VPS13C: variants seen among roughly 807,000 people sequenced by gnomAD.
The protein encoded by VPS13C is intermembrane lipid transfer protein VPS13C.
A neutral mutation model predicts 456.8 loss-of-function variants in VPS13C; 358 were observed. The ratio of observed to expected loss-of-function variants is 0.78; its 90% CI spans 0.72 to 0.86. The LOEUF is 0.86. VPS13C is among the 40% of genes least tolerant of loss of function. The probability of loss-of-function intolerance (pLI) is 0.00; values close to 1 mark genes in which losing one functional copy is unlikely to be tolerated. For missense variants in VPS13C, 4,818 were observed against 4,385.4 expected (o/e 1.10, Z -2.79); for synonymous variants, 1,578 against 1,486.7 (o/e 1.06, Z -1.41).
chr15:62,035,247 C>T (rs1039666018), intron 3 of VPS13C, among the ~76,000 whole-genome samples, 195 bp from the exon 4 acceptor site: 1 of 151,862 alleles, frequency 6.6e-6, no homozygotes, highest in South Asian at 2.1e-4. Flanking sequence ...TGAATAGTCA[C>T]ATTGTAATTT....
chr15:61,977,192 G>A lies in VPS13C; in HGVS notation c.2298C>T (p.Thr766=). 6.5e-7 allele frequency: 1 copy of A among 1,536,462 alleles called. No homozygotes were observed. Among genetic ancestry groups the A allele is most frequent in the Non-Finnish European group, 8.7e-7 (1 of 1,146,428 alleles). ...GATGCTGAAATCGACACTTTTTCCAGGTTTCCTCTTTAAAAAATAATTTAA... is the reference window on the plus strand; with the variant it reads ...GATGCTGAAATCGACACTTTTTCCAAGTTTCCTCTTTAAAAAATAATTTAA... ...VQLLFARAEE[T]WKKCRFQHPS... is the part of the protein sequence containing the mutation. Residue 766 remains threonine (T), a synonymous_variant, in exon 24 of 85, where the codon ACC becomes ACT. Coordinates refer to ENST00000644861, the MANE Select transcript of VPS13C (RefSeq NM_020821.3).
At position 61,867,854 on chromosome 15, in the gene VPS13C, A is replaced by G; in HGVS notation, c.10863+805T>C. The G allele has an allele frequency of 6.3e-7, 1 of 1,575,242 alleles. No individual in the cohort carries two copies. Among genetic ancestry groups the G allele is most frequent in the South Asian group, 1.2e-5 (1 of 84,202 alleles). ...CATTAAAATTGACAATGGAATTCAC[A>G]CACAGTCAATTAACACCACAGTTTG... is the stretch of plus-strand genomic sequence containing the variant. On this transcript the variant is annotated intron_variant, in intron 81 of 84. Transcript: ENST00000644861. This position sits in a 1 kb window ranked among gnomAD's most constrained non-coding sequence, Gnocchi z 5.0.
rs1476921832 is a variant in VPS13C, at chr15:61,910,170, A to G, written c.8844+7T>C. 7.5e-7 allele frequency: 1 copy of G among 1,325,056 alleles called. No individual in the cohort carries two copies. Among genetic ancestry groups the G allele is most frequent in the South Asian group, 2.6e-5 (1 of 38,638 alleles). The allele number at this position is 1,325,056 out of a possible 1,614,324, so 82.1% of individuals were successfully genotyped here. On this transcript the variant is annotated splice_region_variant and intron_variant, in intron 64 of 84. Transcript: ENST00000644861. Reference sequence around the variant, plus strand: ...AAATAAAAATAAAATAAAATATGAAAACTTACCAGATCTTCTAAGCTCAAT... The same window carrying G: ...AAATAAAAATAAAATAAAATATGAAGACTTACCAGATCTTCTAAGCTCAAT...
At chr15:61,889,490 T>C (rs1325323092) in intron 67 of VPS13C, among the ~76,000 whole-genome samples, 1 of 152,184 alleles carries the variant, frequency 6.6e-6, no homozygotes, top group East Asian at 1.9e-4. Context: ...GGTTATATTT[T>C]GTATCATGTC....
At chr15:61,873,199 C>T (rs1566960420) in intron 78 of VPS13C, 47 bp downstream of exon 78, 2 of 1,607,966 alleles carry the variant, frequency 1.2e-6, no homozygotes, top group Non-Finnish European at 1.7e-6. Flanking sequence ...CTAGAATACA[C>T]TTTTTTTTAA....
intron 50 of VPS13C, among the ~76,000 whole-genome samples, chr15:61,930,553 A>C (rs2044021192): frequency 6.6e-6 from 1 of 152,254 alleles, no homozygotes; most frequent in African/African-American, 2.4e-5. Flanking sequence ...CTTGAGAAAA[A>C]TAAAAACATA....
chr15:61,975,769 C>T (rs2045684391), intron 24 of VPS13C, among the ~76,000 whole-genome samples: 1 of 152,016 alleles, frequency 6.6e-6, no homozygotes, highest in African/African-American at 2.4e-5. Flanking sequence ...ACATCATTAT[C>T]CTGATACCAA....
intron 30 of VPS13C, among the ~76,000 whole-genome samples, chr15:61,965,222 G>A (rs139393684): frequency 1.3e-4 from 20 of 151,886 alleles, no homozygotes; most frequent in East Asian, 5.8e-4. Context: ...GTCAAAAGGC[G>A]AAATCCCAGA....
chr15:61,972,519 A>G, intron 27 of VPS13C, 106 bp downstream of exon 27: 1 of 1,236,332 alleles, frequency 8.1e-7, no homozygotes, highest in Non-Finnish European at 1.1e-6. Context: ...CAGGAAAGAC[A>G]GAGTACCACA....
chr15:61,905,010 G>A (rs1377317366), intron 66 of VPS13C, among the ~76,000 whole-genome samples: 1 of 152,050 alleles, frequency 6.6e-6, no homozygotes, highest in Non-Finnish European at 1.5e-5. Flanking sequence ...AGAGAAGTTG[G>A]TTAATGGGTA....
intron 79 of VPS13C, among the ~76,000 whole-genome samples, chr15:61,871,788 T>A (rs1895051600): frequency 6.6e-6 from 1 of 152,160 alleles, no homozygotes; most frequent in Admixed American, 6.6e-5. Flanking sequence ...AAAAATAGCA[T>A]TCAAAGTCTG....
chr15:62,002,760 C>G (rs1283187148), intron 15 of VPS13C, among the ~76,000 whole-genome samples: 1 of 152,128 alleles, frequency 6.6e-6, no homozygotes, highest in African/African-American at 2.4e-5. Flanking sequence ...TTCCCAGCAC[C>G]ATTTATTAAA....
At chr15:61,950,475 A>G in intron 40 of VPS13C, 58 bp from the exon 41 acceptor site, 1 of 1,265,912 alleles carries the variant, frequency 7.9e-7, no homozygotes, top group East Asian at 2.3e-5. Flanking sequence ...TCATACACTG[A>G]AAATATACAT....
chr15:62,038,642 A>G (rs1237532848), intron 3 of VPS13C, among the ~76,000 whole-genome samples: 7 of 152,202 alleles, frequency 4.6e-5, no homozygotes, highest in Non-Finnish European at 8.8e-5. Flanking sequence ...GCACAGCAAA[A>G]GAAATAATCA....
At chr15:62,002,083 G>A (rs543459355) in intron 15 of VPS13C, among the ~76,000 whole-genome samples, 1 of 152,148 alleles carries the variant, frequency 6.6e-6, no homozygotes. Context: ...AGTTCCCTGA[G>A]GAATCCCCAC....
At chr15:62,023,757 G>C in intron 7 of VPS13C, 23 bp downstream of exon 7, 1 of 1,590,092 alleles carries the variant, frequency 6.3e-7, no homozygotes, top group Non-Finnish European at 8.6e-7. Flanking sequence ...ACAACACCAT[G>C]GCATAAAACT....
At position 61,947,265 on chromosome 15, in the gene VPS13C, T is replaced by A. The variant is rs1160768053; in HGVS notation, c.4804A>T (p.Thr1602Ser). 5 of 1,610,110 alleles carry A rather than the reference T, an allele frequency of 3.1e-6. No homozygotes were observed. The East Asian group carries it at 9.0e-5, about 29-fold the overall frequency. ...ACATTAAATGCATTTAATTCAGCTG[T>A]GATCTTTAAATCAAACACATCCTTT... ...SQKDVFDLKITAELNAFNVFV... is the reference protein window; with the variant it reads ...SQKDVFDLKISAELNAFNVFV... The change falls in exon 43 of 85, where the codon ACA (threonine) becomes TCA (serine). Residue 1602 changes from threonine to serine, a missense_variant. This residue lies in a region of VPS13C where 4,552 missense variants were observed against 4,130.6 expected (regional missense o/e 1.10). Transcript: ENST00000644861.
rs748943239 is a variant in VPS13C, at chr15:61,889,907, CA to C, written c.9341+257del. Among the ~76,000 whole-genome samples the C allele has an allele frequency of 4.6e-5, 7 of 151,764 alleles. No homozygotes were observed. The East Asian group carries it at 9.7e-4, about 21-fold the overall frequency. On this transcript the variant is annotated intron_variant, in intron 67 of 84. Transcript: ENST00000644861. The stretch of plus-strand genomic sequence containing the variant: ...CACACACACACGCACACATTAAGGA[CA>C]ACAAGGAAAGAAACAAACCACTTTT...
At chr15:62,040,976 C>T (rs2048223255) in intron 3 of VPS13C, among the ~76,000 whole-genome samples, 1 of 152,032 alleles carries the variant, frequency 6.6e-6, no homozygotes, top group African/African-American at 2.4e-5. Context: ...TTACAGTTTA[C>T]CTACTGGAGT....
Sources: allele counts gnomAD v4.1 joint callset (sites outside exome capture counted in the v4.1 genomes callset), GRCh38; gene constraint gnomAD v4.1.1; regional missense constraint gnomAD v4.1.1; non-coding constraint Gnocchi (gnomAD v3.1); transcripts MANE v1.5; gene names NCBI Gene and HGNC (gene_info 2026-07-23, HGNC 2026-07-21).